Variants in ZRANB3 observed in about 807,000 individuals in gnomAD.
The protein encoded by ZRANB3 is zinc finger RANBP2-type containing 3.
ZRANB3 carries 125 observed loss-of-function variants against 133.8 expected under a neutral mutation model. The observed-to-expected ratio is 0.93, with a 90% confidence interval of 0.81 to 1.08. The LOEUF (loss-of-function observed/expected upper bound fraction) is 1.08, where lower values mean the gene tolerates loss of function less well. Ranked by LOEUF, ZRANB3 falls within the 50% of genes least tolerant of loss-of-function variation. The pLI is 0.00. For missense variants in ZRANB3, 1,229 were observed against 1,275.5 expected, an observed-to-expected ratio of 0.96 and a Z score of 0.56; for synonymous variants, 387 against 432.7, an observed-to-expected ratio of 0.89 and a Z score of 1.31.
intron 3 of ZRANB3, among the ~76,000 whole-genome samples, chr2:135,378,544 T>G (rs1686532320): frequency 6.6e-6 from 1 of 151,180 alleles, no homozygotes; most frequent in African/African-American, 2.4e-5. Context: ...TCCTAAAGTA[T>G]GGGCTGTGAA....
intron 3 of ZRANB3, among the ~76,000 whole-genome samples, chr2:135,375,553 C>T (rs779367501): frequency 7.9e-5 from 12 of 152,108 alleles, no homozygotes; most frequent in Non-Finnish European, 1.5e-4. Flanking sequence ...GGCATGGTGG[C>T]GGGCACCAGT....
In ZRANB3 at chr2:135,269,036, T is replaced by C. The variant is rs747758302; in HGVS notation, c.1312A>G (p.Ser438Gly). 5 of 1,613,142 alleles carry C rather than the reference T, an allele frequency of 3.1e-6. No homozygotes were observed. The highest frequency in any genetic ancestry group is 4.2e-6 in the Non-Finnish European group (5 of 1,179,718). ...EDRAHRIGQC[S>G]SVNIHYLIAN... The stretch of plus-strand genomic sequence containing the variant: ...ATAAGGTAGTGAATATTCACAGAAC[T>C]GCACTGGCCAATTCTGTGAGCTCGG... The change falls in exon 11 of 21, where the codon AGT becomes GGT. Residue 438 changes from serine to glycine, a missense_variant. Transcript: ENST00000264159.
intron 2 of ZRANB3, among the ~76,000 whole-genome samples, chr2:135,481,480 A>C (rs917500689): frequency 6.6e-6 from 1 of 151,860 alleles, no homozygotes; most frequent in African/African-American, 2.4e-5. Flanking sequence ...TTTTCTTGTA[A>C]ATTTGTTTGA....
intron 8 of ZRANB3, among the ~76,000 whole-genome samples, chr2:135,312,162 A>ATTTTATTTTATTTTATTTTATTTTAT (rs1353571831): frequency 1.6e-5 from 2 of 122,052 alleles, no homozygotes; most frequent in Admixed American, 1.5e-4. Context: ...TTTTATTTTT[A>ATTTTATTTTATTTTATTTTATTTTAT]TTTTATTTTA....
rs572543543 is a variant in ZRANB3 at position 135,473,868 on chromosome 2, C to A, written c.161+30461G>T. 2.0e-5 allele frequency among the ~76,000 whole-genome samples: 3 copies of A among 152,182 alleles called. No homozygotes were observed. The South Asian group carries it at 6.2e-4, about 32-fold the overall frequency. On this transcript the variant is annotated intron_variant, in intron 2 of 20. Coordinates refer to ENST00000264159, the MANE Select transcript of ZRANB3 (RefSeq NM_032143.4). Reference sequence around the variant, plus strand: ...ATCACTTTTTATAGAAGAAACTTACCTTGCCTGATAGACACACTTATAAAA... The same window carrying A: ...ATCACTTTTTATAGAAGAAACTTACATTGCCTGATAGACACACTTATAAAA...
chr2:135,307,690 T>C (rs1240682441), intron 8 of ZRANB3, among the ~76,000 whole-genome samples: 2 of 152,120 alleles, frequency 1.3e-5, no homozygotes, highest in Non-Finnish European at 1.5e-5. Context: ...GAGTTATGTG[T>C]AGAAGGATAG....
chr2:135,333,953 A>G (rs1042165506), intron 6 of ZRANB3, among the ~76,000 whole-genome samples: 4 of 152,190 alleles, frequency 2.6e-5, no homozygotes, highest in African/African-American at 9.6e-5. Context: ...ACTGATAACT[A>G]AAAACCAAAC....
intron 2 of ZRANB3, among the ~76,000 whole-genome samples, chr2:135,408,270 A>G (rs1485135711): frequency 6.6e-6 from 1 of 152,202 alleles, no homozygotes; most frequent in Non-Finnish European, 1.5e-5. Flanking sequence ...CAAAACCACA[A>G]TGAGATACCA....
chr2:135,360,358 G>C (rs1256215668), intron 3 of ZRANB3, among the ~76,000 whole-genome samples: 1 of 151,852 alleles, frequency 6.6e-6, no homozygotes, highest in African/African-American at 2.4e-5. Context: ...TCCAGCCTGG[G>C]CGACAAGAGT....
chr2:135,459,499 CAAAG>C (rs1308672236), intron 2 of ZRANB3, among the ~76,000 whole-genome samples: 2 of 152,106 alleles, frequency 1.3e-5, no homozygotes, highest in African/African-American at 4.8e-5. Flanking sequence ...ACTATTCTGT[CAAAG>C]AAAGACCCTA....
rs111303736 is a variant in ZRANB3 at position 135,445,427 on chromosome 2, A to G, written c.162-54607T>C. Among the ~76,000 whole-genome samples the G allele has an allele frequency of 3.0e-3, 453 of 152,162 alleles. 3 individuals are homozygous for G. Among genetic ancestry groups the G allele is most frequent in the African/African-American group, 0.01 (421 of 41,530 alleles). On this transcript the variant is annotated intron_variant, in intron 2 of 20. Transcript: ENST00000264159. ...CACTGCACTCCAGCCTGGGTGACAC[A>G]GTGAAACTCCATCTAAATAAATAAG...
intron 2 of ZRANB3, among the ~76,000 whole-genome samples, chr2:135,410,589 G>C (rs1383360026): frequency 6.6e-6 from 1 of 152,078 alleles, no homozygotes; most frequent in Non-Finnish European, 1.5e-5. Flanking sequence ...AAGAATTTAT[G>C]ATTAAGACCT....
At chr2:135,490,500 A>G (rs1362839914) in intron 2 of ZRANB3, among the ~76,000 whole-genome samples, 1 of 152,168 alleles carries the variant, frequency 6.6e-6, no homozygotes, top group Non-Finnish European at 1.5e-5. Flanking sequence ...AAAAATGGGA[A>G]TAAGGGATGT....
intron 3 of ZRANB3, among the ~76,000 whole-genome samples, chr2:135,388,718 A>C (rs1687092904): frequency 1.3e-5 from 2 of 152,154 alleles, no homozygotes; most frequent in Admixed American, 1.3e-4. Context: ...AGGACTAAAA[A>C]CGTAAGCCTC....
At chr2:135,369,148 A>G (rs1383397981) in intron 3 of ZRANB3, among the ~76,000 whole-genome samples, 1 of 152,018 alleles carries the variant, frequency 6.6e-6, no homozygotes, top group African/African-American at 2.4e-5. Flanking sequence ...AGGTTAAATT[A>G]TGTTCAGAGT....
chr2:135,512,452 G>T (rs562092455), intron 1 of ZRANB3, among the ~76,000 whole-genome samples: 1 of 151,498 alleles, frequency 6.6e-6, no homozygotes, highest in African/African-American at 2.4e-5. Context: ...TTTTAATTAA[G>T]AATGTATTGG....
At position 135,228,312 on chromosome 2, in the gene ZRANB3, GTT is replaced by G. The variant is rs58948947; in HGVS notation, c.1955-299_1955-298del. On this transcript the variant is annotated intron_variant, in intron 13 of 20. Coordinates refer to ENST00000264159, the MANE Select transcript of ZRANB3 (RefSeq NM_032143.4). ...GATAAAGAGAACACAACTAAGTTTT[GTT>G]TTTTTTTTTTTTTCAGTAAGAAGGT... The G allele has an allele frequency of 4.0e-3, 598 of 150,900 alleles. 3 individuals carry two copies. The highest frequency in any genetic ancestry group is 0.011 in the African/African-American group (400 of 36,608). The allele number at this position is 150,900 out of a possible 1,614,324, so 9.3% of individuals were successfully genotyped here. A position where few individuals can be genotyped will look rare whatever the true frequency, so the allele number is the denominator to read the frequency against.
chr2:135,235,400 C>T (rs926851259), intron 12 of ZRANB3, among the ~76,000 whole-genome samples: 1 of 152,252 alleles, frequency 6.6e-6, no homozygotes, highest in African/African-American at 2.4e-5. Flanking sequence ...CTATTCCAAT[C>T]AATAGAAAAA....
intron 2 of ZRANB3, among the ~76,000 whole-genome samples, chr2:135,427,712 T>C (rs926587972): frequency 2.0e-5 from 3 of 152,158 alleles, no homozygotes; most frequent in African/African-American, 7.2e-5. Context: ...TTAAAATTCA[T>C]ATGGAACCAA....
Sources: allele counts gnomAD v4.1 joint callset (sites outside exome capture counted in the v4.1 genomes callset), GRCh38; gene constraint gnomAD v4.1.1; transcripts MANE v1.5; gene names NCBI Gene and HGNC (gene_info 2026-07-23, HGNC 2026-07-21).